DGKG: variants seen among roughly 807,000 people sequenced by gnomAD.
The protein encoded by DGKG is DAG kinase gamma.
DGKG carries 78 observed loss-of-function variants against 105.3 expected under a neutral mutation model. The ratio of observed to expected loss-of-function variants is 0.74; its 90% CI spans 0.62 to 0.89. The LOEUF (loss-of-function observed/expected upper bound fraction) is 0.89, where lower values mean the gene tolerates loss of function less well. Among genes scored for constraint, DGKG ranks in the 40% least tolerant of loss-of-function variants. The probability of loss-of-function intolerance (pLI) is 0.00; values close to 1 mark genes in which losing one functional copy is unlikely to be tolerated. For missense variants in DGKG, 958 were observed against 1,020.1 expected (o/e 0.94, Z 0.83); for synonymous variants, 346 against 367.1 (o/e 0.94, Z 0.66).
chr3:186,214,126 T>G (rs1050252984), intron 20 of DGKG, among the ~76,000 whole-genome samples: 6 of 152,232 alleles, frequency 3.9e-5, no homozygotes, highest in African/African-American at 1.4e-4. Context: ...CAGCTATTTT[T>G]GCCCAGTAGT....
Position 186,271,274 on chromosome 3 carries a change from A to G in DGKG, c.999+981T>C, listed in dbSNP as rs114975983. Among the ~76,000 whole-genome samples the G allele has an allele frequency of 6.4e-3, 970 of 152,232 alleles. 13 individuals are homozygous for G. The highest frequency in any genetic ancestry group is 0.022 in the African/African-American group (916 of 41,552). On this transcript the variant is annotated intron_variant, in intron 11 of 24. Transcript: ENST00000265022. ...GTTAGAAACCTGGGAGCCATTCCCT[A>G]CCTTTTCCCTTCTCTCATCCTCCGC...
intron 23 of DGKG, among the ~76,000 whole-genome samples, chr3:186,163,546 T>C (rs1176869913): frequency 1.3e-5 from 2 of 152,256 alleles, no homozygotes; most frequent in Admixed American, 1.3e-4. Flanking sequence ...GATTCTCTGA[T>C]TGACCCTGAG....
At chr3:186,281,491 A>T (rs570747569) in intron 7 of DGKG, among the ~76,000 whole-genome samples, 1 of 152,354 alleles carries the variant, frequency 6.6e-6, no homozygotes, top group South Asian at 2.1e-4. Flanking sequence ...GCACCAGTTA[A>T]GATGTTCACA....
intron 21 of DGKG, among the ~76,000 whole-genome samples, chr3:186,191,703 G>C (rs1029898882): frequency 6.6e-6 from 1 of 152,196 alleles, no homozygotes; most frequent in African/African-American, 2.4e-5. Context: ...TGGGCCTTCA[G>C]TTAGCCTGAA....
chr3:186,361,053 G>A lies in DGKG; in HGVS notation c.-249+893C>T, dbSNP rs1727205712. On this transcript the variant is annotated intron_variant, in intron 1 of 24. Transcript: ENST00000265022. The surrounding 1 kb of genome is among the most constrained non-coding windows in gnomAD (Gnocchi z 6.8). Reference sequence around the variant, plus strand: ...CGCTGCAGCAGACGCTCCCGCCGCGGGGGGCGACTGGGGGAGGGGTCTCGA... The same window carrying A: ...CGCTGCAGCAGACGCTCCCGCCGCGAGGGGCGACTGGGGGAGGGGTCTCGA... Among the ~76,000 whole-genome samples, 1 of 152,212 alleles carries A rather than the reference G, an allele frequency of 6.6e-6. No individual in the cohort carries two copies. Among genetic ancestry groups the A allele is most frequent in the South Asian group, 2.1e-4 (1 of 4,828 alleles).
At chr3:186,155,991 G>A (rs1716015347) in intron 24 of DGKG, among the ~76,000 whole-genome samples, 1 of 151,754 alleles carries the variant, frequency 6.6e-6, no homozygotes, top group Non-Finnish European at 1.5e-5. Context: ...CTATTGCATT[G>A]TTAGTATTTT....
Position 186,203,707 on chromosome 3 carries a change from C to G in DGKG, c.1917+8088G>C, listed in dbSNP as rs1240540985. On this transcript the variant is annotated intron_variant, in intron 21 of 24. Coordinates refer to ENST00000265022, the MANE Select transcript of DGKG (RefSeq NM_001346.3). This position sits in a 1 kb window ranked among gnomAD's most constrained non-coding sequence, Gnocchi z 4.9. ...AGGACCATTCTAGCCTTACTTTTGA[C>G]TCCATGGTTTGATATGTAATCAGGT... Among the ~76,000 whole-genome samples the G allele has an allele frequency of 6.6e-6, 1 of 152,224 alleles. No homozygotes were observed. Among genetic ancestry groups the G allele is most frequent in the African/African-American group, 2.4e-5 (1 of 41,456 alleles).
intron 2 of DGKG, among the ~76,000 whole-genome samples, chr3:186,312,742 A>C (rs1464077553): frequency 1.3e-5 from 2 of 152,232 alleles, no homozygotes; most frequent in Non-Finnish European, 2.9e-5. Context: ...CAAAAACAAG[A>C]GCAGAGTTTT....
At chr3:186,247,708 G>A (rs1721009675) in intron 19 of DGKG, among the ~76,000 whole-genome samples, 1 of 152,078 alleles carries the variant, frequency 6.6e-6, no homozygotes, top group African/African-American at 2.4e-5. Context: ...AGAAAGCCAA[G>A]GGCACACCAA....
At chr3:186,228,776 C>T (rs1407916241) in intron 20 of DGKG, among the ~76,000 whole-genome samples, 7 of 152,188 alleles carry the variant, frequency 4.6e-5, no homozygotes, top group Non-Finnish European at 1.0e-4. Context: ...TAGTCTCTCA[C>T]AACACCCTCA....
At chr3:186,281,434 C>G (rs780830566) in intron 7 of DGKG, among the ~76,000 whole-genome samples, 1 of 152,174 alleles carries the variant, frequency 6.6e-6, no homozygotes, top group Non-Finnish European at 1.5e-5. Context: ...CCCGCTGAAA[C>G]ACACCAGACT....
chr3:186,171,039 T>C (rs887743874), intron 22 of DGKG, among the ~76,000 whole-genome samples: 4 of 152,222 alleles, frequency 2.6e-5, no homozygotes, highest in Middle Eastern at 3.2e-3. Flanking sequence ...TAGCTAGGTG[T>C]GCAAACATCC....
At chr3:186,229,379 T>C (rs1720021080) in intron 20 of DGKG, among the ~76,000 whole-genome samples, 1 of 152,072 alleles carries the variant, frequency 6.6e-6, no homozygotes, top group African/African-American at 2.4e-5. Flanking sequence ...TAGCTGGGAT[T>C]ACAGGTGCCC....
At chr3:186,195,803 T>G (rs565392995) in intron 21 of DGKG, among the ~76,000 whole-genome samples, 1 of 152,332 alleles carries the variant, frequency 6.6e-6, no homozygotes, top group African/African-American at 2.4e-5. Context: ...TAAATTGGTA[T>G]TTTTAGATCT....
intron 13 of DGKG, among the ~76,000 whole-genome samples, chr3:186,265,847 T>G (rs1196114049): frequency 1.3e-5 from 2 of 151,882 alleles, no homozygotes; most frequent in Non-Finnish European, 2.9e-5. Context: ...TTTTCTTGTA[T>G]TTTTAGTAGA....
chr3:186,170,863 C>T (rs916877897), intron 22 of DGKG, among the ~76,000 whole-genome samples: 1 of 152,232 alleles, frequency 6.6e-6, no homozygotes, highest in Non-Finnish European at 1.5e-5. Context: ...CATAGTTTTA[C>T]ACTTCCTGTA....
chr3:186,237,404 G>A (rs1720470015), intron 20 of DGKG, among the ~76,000 whole-genome samples: 1 of 152,016 alleles, frequency 6.6e-6, no homozygotes. Flanking sequence ...AGCCAGTCCT[G>A]CTCCTTGCTG....
intron 20 of DGKG, among the ~76,000 whole-genome samples, chr3:186,222,812 T>C (rs1719653970): frequency 6.6e-6 from 1 of 151,416 alleles, no homozygotes; most frequent in African/African-American, 2.4e-5. Flanking sequence ...ACCCCATCTC[T>C]ACTAAAAATA....
At chr3:186,272,366 C>G (rs911593027) in intron 10 of DGKG, 23 bp from the exon 11 acceptor site, 6 of 1,587,292 alleles carry the variant, frequency 3.8e-6, no homozygotes, top group Non-Finnish European at 5.2e-6. Context: ...AAAGTCAAGG[C>G]AGGTGCTTGT....
Sources: gnomAD v4.1 joint callset for allele counts (sites outside exome capture counted in the v4.1 genomes callset) on GRCh38, gnomAD v4.1.1 for gene constraint, Gnocchi (gnomAD v3.1) non-coding constraint, MANE v1.5 for transcripts, NCBI Gene and HGNC (gene_info 2026-07-23, HGNC 2026-07-21) for gene names.